Variants in HIPK3 observed in about 807,000 individuals in gnomAD.
HIPK3 encodes homeodomain interacting protein kinase 3.
In HIPK3, 47 loss-of-function variants were observed where a neutral mutation model predicts 124.2. That is an observed-to-expected ratio of 0.38 (90% CI 0.30 to 0.48). The LOEUF (loss-of-function observed/expected upper bound fraction) is 0.48. HIPK3 is among the 20% of genes least tolerant of loss of function. The pLI is 0.98. For synonymous variants in HIPK3, 482 were observed against 515.2 expected, an observed-to-expected ratio of 0.94 and a Z score of 0.87; for missense variants, 1,286 against 1,454.3, an observed-to-expected ratio of 0.88 and a Z score of 1.88.
At chr11:33,292,469 G>C (rs1318426816) in intron 2 of HIPK3, among the ~76,000 whole-genome samples, 1 of 152,268 alleles carries the variant, frequency 6.6e-6, no homozygotes, top group Middle Eastern at 3.4e-3. Context: ...CTCCGAGCCT[G>C]ATCTGAGGGG....
rs1201698455 is a variant in HIPK3, at chr11:33,355,144, T to TG, written c.*1577dup. 6.6e-6 allele frequency: 1 copy of TG among 152,120 alleles called. No homozygotes were observed. The highest frequency in any genetic ancestry group is 2.4e-5 in the African/African-American group (1 of 41,462). The allele number at this position is 152,120 out of a possible 1,614,324, so 9.4% of individuals were successfully genotyped here. ...CTGTGAAATTAGGTGATTAACTAGTTGTTATTTAGCCTTCTAATTTCTGTA... is the reference window on the plus strand; with the variant it reads ...CTGTGAAATTAGGTGATTAACTAGTTGGTTATTTAGCCTTCTAATTTCTGTA... On this transcript the variant is annotated 3_prime_UTR_variant, in exon 17 of 17. Coordinates refer to ENST00000303296, the MANE Select transcript of HIPK3 (RefSeq NM_005734.5).
At chr11:33,271,098 T>C (rs1396159729) in intron 1 of HIPK3, among the ~76,000 whole-genome samples, 2 of 152,254 alleles carry the variant, frequency 1.3e-5, no homozygotes, top group Non-Finnish European at 1.5e-5. Context: ...AGGTAAATGA[T>C]ACTGCCTTAG....
intron 1 of HIPK3, among the ~76,000 whole-genome samples, chr11:33,260,951 A>G (rs1001029797): frequency 6.6e-6 from 1 of 150,884 alleles, no homozygotes; most frequent in Non-Finnish European, 1.5e-5. Flanking sequence ...GTTAAAATGG[A>G]TGACTCTATC....
rs760978137 is a variant in HIPK3, at chr11:33,348,028, T to G, written c.2306+15T>G. 6 of 1,613,800 alleles carry G rather than the reference T, an allele frequency of 3.7e-6. No individual in the cohort carries two copies. Among genetic ancestry groups the G allele is most frequent in the Non-Finnish European group, 1.7e-6 (2 of 1,179,678 alleles). ...TGCCAGAACAGGTTGGTATTGGTGC[T>G]TTAGCTTTCCTCTGCATTTTGAGAA... On this transcript the variant is annotated intron_variant, in intron 11 of 16. Transcript: ENST00000303296.
At position 33,353,420 on chromosome 11, in the gene HIPK3, G is replaced by T; in HGVS notation, c.3500G>T (p.Gly1167Val). ...GGCATAGTTCACCAAGTCCCAGTGG[G>T]CTTAAATCCCCGTCTGTTACCATCC... The part of the protein sequence containing the change: ...PSGIVHQVPV[G>V]LNPRLLPSPT... Residue 1167 changes from glycine (G) to valine (V), a missense_variant, in exon 17 of 17, where the codon GGC becomes GTC. By Grantham distance (109) the Gly-to-Val change is moderately radical. Around this residue, in one of 3 missense-constraint regions of HIPK3, gnomAD observed 810 missense variants for 864.9 expected, o/e 0.94. Transcript: ENST00000303296. 1 of 1,614,008 alleles carries T rather than the reference G, an allele frequency of 6.2e-7. No individual in the cohort carries two copies. The highest frequency in any genetic ancestry group is 8.5e-7 in the Non-Finnish European group (1 of 1,179,930).
At chr11:33,329,067 A>T (rs746389107) in intron 3 of HIPK3, among the ~76,000 whole-genome samples, 1 of 152,116 alleles carries the variant, frequency 6.6e-6, no homozygotes, top group Non-Finnish European at 1.5e-5. Flanking sequence ...AACTCTTCTC[A>T]GTCTTTTTAG....
intron 1 of HIPK3, among the ~76,000 whole-genome samples, chr11:33,270,622 CACATAGGATAGA>C (rs1283517096): frequency 2.6e-5 from 4 of 152,006 alleles, no homozygotes; most frequent in Admixed American, 2.6e-4. Flanking sequence ...TTATGATATG[CACATAGGATAGA>C]ACATTACGCT....
chr11:33,269,285 A>G (rs751350563), intron 1 of HIPK3, among the ~76,000 whole-genome samples: 8 of 152,148 alleles, frequency 5.3e-5, no homozygotes, highest in Non-Finnish European at 8.8e-5. Flanking sequence ...ACCTTCTCCC[A>G]GATTTCCAAC....
intron 2 of HIPK3, among the ~76,000 whole-genome samples, chr11:33,328,211 T>C (rs563639439): frequency 6.6e-6 from 1 of 152,350 alleles, no homozygotes; most frequent in East Asian, 1.9e-4. Flanking sequence ...TCTGATCTGC[T>C]GTAGTCTTAA....
intron 2 of HIPK3, among the ~76,000 whole-genome samples, chr11:33,310,587 G>A (rs1852306319): frequency 6.6e-6 from 1 of 152,094 alleles, no homozygotes; most frequent in Non-Finnish European, 1.5e-5. Flanking sequence ...TGGATTACAG[G>A]CATGAGCCAC....
Position 33,286,732 on chromosome 11 carries a change from A to G in HIPK3, c.318A>G (p.Ala106=). The change falls in exon 2 of 17, where the codon GCA becomes GCG. Residue 106 remains alanine, a synonymous_variant. Coordinates refer to ENST00000303296, the MANE Select transcript of HIPK3 (RefSeq NM_005734.5). ...AGGCACAGCAAGCTCACGTGCAGGC[A>G]CCTCAGATTGGGGCGTGGCGAAACA... ...AAQAQQAHVQ[A]PQIGAWRNRL... 6.2e-7 allele frequency: 1 copy of G among 1,614,072 alleles called. No individual in the cohort carries two copies. Among genetic ancestry groups the G allele is most frequent in the Non-Finnish European group, 8.5e-7 (1 of 1,180,004 alleles).
At chr11:33,318,403 T>C (rs1283095857) in intron 2 of HIPK3, among the ~76,000 whole-genome samples, 1 of 152,098 alleles carries the variant, frequency 6.6e-6, no homozygotes, top group Non-Finnish European at 1.5e-5. Context: ...ATCATAGGAA[T>C]TATTTATTTT....
chr11:33,336,810 C>T (rs920705919), intron 3 of HIPK3, among the ~76,000 whole-genome samples: 50 of 152,204 alleles, frequency 3.3e-4, no homozygotes, highest in African/African-American at 1.2e-3. Flanking sequence ...TGTCCTTTAA[C>T]ACCAAACTTG....
At chr11:33,270,307 T>G (rs1160347726) in intron 1 of HIPK3, among the ~76,000 whole-genome samples, 1 of 141,364 alleles carries the variant, frequency 7.1e-6, no homozygotes, top group Non-Finnish European at 1.6e-5. Flanking sequence ...TGAAACCTTA[T>G]TTATTTATTT....
chr11:33,258,490 A>T, intron 1 of HIPK3: 1 of 985,070 alleles, frequency 1.0e-6, no homozygotes. Context: ...ATTGTTGGGG[A>T]GGAGAAATGT....
At chr11:33,268,591 C>CAAAAAAAAAAAAAAAA (rs35408664) in intron 1 of HIPK3, among the ~76,000 whole-genome samples, 2 of 76,030 alleles carry the variant, frequency 2.6e-5, no homozygotes, top group Non-Finnish European at 5.0e-5. Context: ...ACTCCGTCAC[C>CAAAAAAAAAAAAAAAA]AAAAAAAAAA....
intron 1 of HIPK3, among the ~76,000 whole-genome samples, chr11:33,269,844 A>G (rs1323318882): frequency 7.2e-5 from 11 of 151,898 alleles, no homozygotes; most frequent in Admixed American, 7.2e-4. Context: ...CCATATTTTG[A>G]ACCTCCTATT....
At chr11:33,311,995 C>CAG (rs1565079349) in intron 2 of HIPK3, among the ~76,000 whole-genome samples, 1 of 149,084 alleles carries the variant, frequency 6.7e-6, no homozygotes, top group Non-Finnish European at 1.5e-5. Context: ...CACACACACA[C>CAG]ACCACGAAAA....
chr11:33,316,676 A>G (rs1852512234), intron 2 of HIPK3, among the ~76,000 whole-genome samples: 1 of 151,918 alleles, frequency 6.6e-6, no homozygotes, highest in African/African-American at 2.4e-5. Context: ...AAAAACCATT[A>G]GCTGGGCATG....
Sources: allele counts gnomAD v4.1 joint callset (sites outside exome capture counted in the v4.1 genomes callset), GRCh38; gene constraint gnomAD v4.1.1; regional missense constraint gnomAD v4.1.1; transcripts MANE v1.5; gene names NCBI Gene and HGNC (gene_info 2026-07-23, HGNC 2026-07-21).